The following HIGD1C variants were observed in gnomAD, a reference collection of about 807,000 sequenced individuals.
The protein encoded by HIGD1C is HIG1 domain family member 1C.
HIGD1C carries 11 observed loss-of-function variants against 13.1 expected under a neutral mutation model. That is an observed-to-expected ratio of 0.84 (90% CI 0.53 to 1.39). The LOEUF (loss-of-function observed/expected upper bound fraction) is 1.39. Ranked by LOEUF, HIGD1C falls within the 40% of genes most tolerant of loss-of-function variation. The pLI is 0.00. For missense variants in HIGD1C, 110 were observed against 112.0 expected (o/e 0.98, Z 0.08); for synonymous variants, 36 against 37.7 (o/e 0.95, Z 0.17).
upstream of HIGD1C, among the ~76,000 whole-genome samples, chr12:50,948,913 GGAGGGGGGGAGGGGGAGGGGAGGAGGA>G: frequency 3.1e-4 from 1 of 3,186 alleles, no homozygotes; most frequent in Non-Finnish European, 7.0e-4. Flanking sequence ...GGGGAGGGGG[GGAGGGGGGGAGGGGGAGGGGAGGAGGA>G]GGAGGAGGAG....
At chr12:50,938,493 T>A in the HIGD1C span, among the ~76,000 whole-genome samples, 1 of 152,166 alleles carries the variant, frequency 6.6e-6, no homozygotes, top group Non-Finnish European at 1.5e-5. Context: ...GCTGCAGCTG[T>A]GCCCAGGAGT....
the HIGD1C span, among the ~76,000 whole-genome samples, chr12:50,948,359 T>G: frequency 2.6e-5 from 4 of 152,206 alleles, no homozygotes; most frequent in Non-Finnish European, 5.9e-5. Context: ...AGGTACCATT[T>G]CTTACACATC....
At chr12:50,960,145 G>C (rs1035546526) in intron 1 of HIGD1C, among the ~76,000 whole-genome samples, 3 of 152,132 alleles carry the variant, frequency 2.0e-5, no homozygotes, top group Non-Finnish European at 4.4e-5. Context: ...ATAGGCTTCT[G>C]AACTTTTCTA....
chr12:50,961,919 A>G (rs993913101), intron 2 of HIGD1C, among the ~76,000 whole-genome samples: 2 of 152,222 alleles, frequency 1.3e-5, no homozygotes, highest in Non-Finnish European at 2.9e-5. Context: ...GCCTTACTAC[A>G]AAGTTACAGT....
chr12:50,961,119 GTA>G lies in HIGD1C; in HGVS notation c.229+19_229+20del. 6.2e-7 allele frequency: 1 copy of G among 1,612,474 alleles called. No homozygotes were observed. The highest frequency in any genetic ancestry group is 8.5e-7 in the Non-Finnish European group (1 of 1,179,068). ...TGACTCTAGGTAACCCGCTTAATTTGTATCTTATGTTCAGCTGTCTTTGAGAG... is the reference window on the plus strand; with the variant it reads ...TGACTCTAGGTAACCCGCTTAATTTGTCTTATGTTCAGCTGTCTTTGAGAG... On this transcript the variant is annotated intron_variant, in intron 2 of 2. Coordinates refer to ENST00000398455, the Ensembl canonical transcript of HIGD1C.
exon 3 of HIGD1C, chr12:50,970,488 C>T: frequency 6.5e-7 from 1 of 1,532,450 alleles, no homozygotes; most frequent in East Asian, 2.4e-5. Flanking sequence ...CACGATTCTT[C>T]AGTGAGTCCA....
chr12:50,963,523 G>A (rs931270033), intron 2 of HIGD1C, among the ~76,000 whole-genome samples: 2 of 152,006 alleles, frequency 1.3e-5, no homozygotes, highest in East Asian at 1.9e-4. Context: ...ATTCACTGAC[G>A]GAGGTGAAAT....
intron 1 of HIGD1C, among the ~76,000 whole-genome samples, chr12:50,958,578 GC>G (rs1939203163): frequency 6.6e-6 from 1 of 151,820 alleles, no homozygotes. Context: ...ACCGCGCCCG[GC>G]CTAAAATAAT....
At chr12:50,940,022 C>T in the HIGD1C span, 1 of 151,682 alleles carries the variant, frequency 6.6e-6, no homozygotes, top group Non-Finnish European at 1.5e-5. Flanking sequence ...GCACTCAAAC[C>T]AACCCATCTG....
intron 2 of HIGD1C, among the ~76,000 whole-genome samples, chr12:50,962,714 T>C (rs548343009): frequency 6.6e-6 from 1 of 151,492 alleles, no homozygotes; most frequent in South Asian, 2.1e-4. Context: ...GAAAAAAAAA[T>C]TTTTTTGCTA....
chr12:50,956,549 T>C (rs1353128253), intron 1 of HIGD1C, among the ~76,000 whole-genome samples: 1 of 152,224 alleles, frequency 6.6e-6, no homozygotes, highest in Non-Finnish European at 1.5e-5. Flanking sequence ...TCCATCATTA[T>C]AAATATATTT....
At chr12:50,969,239 A>G (rs1939666613) in intron 2 of HIGD1C, among the ~76,000 whole-genome samples, 1 of 152,058 alleles carries the variant, frequency 6.6e-6, no homozygotes, top group South Asian at 2.1e-4. Context: ...GGCTGCAGTG[A>G]GCCAAGATCA....
rs1278864234 is a variant in HIGD1C, at chr12:50,970,412, C to T, written c.230-30C>T. The T allele has an allele frequency of 6.3e-6, 7 of 1,105,926 alleles. No individual in the cohort carries two copies. In the East Asian group the frequency reaches 1.6e-4, roughly 24 times the overall value. The allele number at this position is 1,105,926 out of a possible 1,614,324, so 68.5% of individuals were successfully genotyped here. A position where few individuals can be genotyped will look rare whatever the true frequency, so the allele number is the denominator to read the frequency against. ...ATTCAGTGTTTGTTTCCCATGGATA[C>T]TCAATTGATATACATCCTTCTTTTT... On this transcript the variant is annotated intron_variant, in intron 2 of 2. Transcript: ENST00000398455.
downstream of HIGD1C, among the ~76,000 whole-genome samples, chr12:50,971,749 T>C (rs1939766864): frequency 6.6e-6 from 1 of 152,236 alleles, no homozygotes; most frequent in South Asian, 2.1e-4. Flanking sequence ...TGTAAGATGA[T>C]TTCTGGTGGG....
chr12:50,965,735 G>A (rs1226229201), intron 2 of HIGD1C, among the ~76,000 whole-genome samples: 1 of 152,190 alleles, frequency 6.6e-6, no homozygotes, highest in African/African-American at 2.4e-5. Flanking sequence ...CCCCATAAAT[G>A]TGATTCTTTT....
chr12:50,953,828 G>A (rs1042977772), upstream of HIGD1C: 19 of 506,856 alleles, frequency 3.7e-5, no homozygotes, highest in South Asian at 9.1e-5. Flanking sequence ...GAAAAAATTC[G>A]GTAGTGAAAA....
chr12:50,947,488 T>C, the HIGD1C span, among the ~76,000 whole-genome samples: 12 of 152,276 alleles, frequency 7.9e-5, no homozygotes, highest in African/African-American at 2.9e-4. Context: ...TCTCTCAACC[T>C]GACTTGATTC....
chr12:50,935,330 G>A, the HIGD1C span: 1 of 152,150 alleles, frequency 6.6e-6, no homozygotes, highest in Admixed American at 6.5e-5. Flanking sequence ...CCAGAGAAAC[G>A]GAGCAGAGGT....
chr12:50,955,526 C>G (rs1029468565), intron 1 of HIGD1C, among the ~76,000 whole-genome samples: 2 of 152,174 alleles, frequency 1.3e-5, no homozygotes, highest in Non-Finnish European at 2.9e-5. Flanking sequence ...TTACTTAAAT[C>G]AGACTGACAT....
Sources: gnomAD v4.1 joint callset for allele counts (sites outside exome capture counted in the v4.1 genomes callset) on GRCh38, gnomAD v4.1.1 for gene constraint, MANE v1.5 for transcripts, NCBI Gene and HGNC (gene_info 2026-07-23, HGNC 2026-07-21) for gene names.